PACRG: variants seen among roughly 807,000 people sequenced by gnomAD.
PACRG encodes the protein parkin coregulated, also known as parkin coregulated gene protein.
PACRG carries 29 observed loss-of-function variants against 29.7 expected under a neutral mutation model. The ratio of observed to expected loss-of-function variants is 0.98; its 90% CI spans 0.73 to 1.33. The LOEUF (loss-of-function observed/expected upper bound fraction) is 1.33. Among genes scored for constraint, PACRG ranks in the 40% most tolerant of loss-of-function variants. The pLI is 0.00. For synonymous variants in PACRG, 116 were observed against 118.7 expected, an observed-to-expected ratio of 0.98 and a Z score of 0.15; for missense variants, 279 against 316.2, an observed-to-expected ratio of 0.88 and a Z score of 0.89.
chr6:162,806,113 CT>C (rs553734264), intron 1 of PACRG, among the ~76,000 whole-genome samples: 382 of 143,608 alleles, frequency 2.7e-3, no homozygotes, highest in Non-Finnish European at 2.9e-3. Context: ...TCTTTCTTTC[CT>C]TTTTTTTTTT....
chr6:162,800,235 G>A (rs912761918), intron 1 of PACRG, among the ~76,000 whole-genome samples: 1 of 152,186 alleles, frequency 6.6e-6, no homozygotes, highest in African/African-American at 2.4e-5. Context: ...GCCTTTAACT[G>A]TCAAGAATTT....
At chr6:162,747,352 A>T (rs867083010) in intron 1 of PACRG, among the ~76,000 whole-genome samples, 840 of 74,616 alleles carry the variant, frequency 0.011, 80 homozygotes, top group African/African-American at 0.058. Flanking sequence ...ATATATATAT[A>T]TATATATATA....
intron 1 of PACRG, among the ~76,000 whole-genome samples, chr6:162,749,789 G>A (rs1781381339): frequency 6.6e-6 from 1 of 152,100 alleles, no homozygotes; most frequent in Admixed American, 6.6e-5. Flanking sequence ...CAAAGTGCTG[G>A]CATTATAGAC....
chr6:163,239,557 C>T (rs1231921607), intron 4 of PACRG, among the ~76,000 whole-genome samples: 1 of 152,040 alleles, frequency 6.6e-6, no homozygotes, highest in Non-Finnish European at 1.5e-5. Context: ...AACTCAATCT[C>T]TCCAAGTGCA....
intron 2 of PACRG, among the ~76,000 whole-genome samples, chr6:162,893,407 G>A (rs1185449510): frequency 6.6e-6 from 1 of 152,166 alleles, no homozygotes; most frequent in Non-Finnish European, 1.5e-5. Context: ...TGCTCAAACT[G>A]AACTGGAAAC....
At chr6:162,748,233 G>A (rs760097030) in intron 1 of PACRG, among the ~76,000 whole-genome samples, 9 of 152,138 alleles carry the variant, frequency 5.9e-5, no homozygotes, top group Non-Finnish European at 1.3e-4. Context: ...GCTCACGCCT[G>A]TAATTCCAGC....
intron 2 of PACRG, among the ~76,000 whole-genome samples, chr6:162,914,258 T>C (rs1171063838): frequency 6.6e-6 from 1 of 152,096 alleles, no homozygotes; most frequent in Non-Finnish European, 1.5e-5. Flanking sequence ...AAATTGTCTA[T>C]TTTTTTCCAT....
At position 163,315,217 on chromosome 6, in the gene PACRG, G is replaced by C; in HGVS notation, c.*230G>C. ...AGTGTACTGTGCTTATTTGTTCTAA[G>C]AGAAGAATTGCTTCTTTATACAGCT... On this transcript the variant is annotated 3_prime_UTR_variant, in exon 5 of 5. Coordinates refer to ENST00000366888, the MANE Select transcript of PACRG (RefSeq NM_001080379.2). 1 of 416,614 alleles carries C rather than the reference G, an allele frequency of 2.4e-6. No homozygotes were observed. The allele number at this position is 416,614 out of a possible 1,614,324, so 25.8% of individuals were successfully genotyped here.
rs938877323 is a variant in PACRG, at chr6:162,880,539, G to A, written c.291+66258G>A. On this transcript the variant is annotated intron_variant, in intron 2 of 4. Transcript: ENST00000366888. Reference sequence around the variant, plus strand: ...TATCTGAGGTAGATGGTGGCATGCAGTCAAGGTTCTGTGTATTTGTGAACA... The same window carrying A: ...TATCTGAGGTAGATGGTGGCATGCAATCAAGGTTCTGTGTATTTGTGAACA... Among the ~76,000 whole-genome samples the A allele has an allele frequency of 2.0e-5, 3 of 152,330 alleles. No individual in the cohort carries two copies. The South Asian group carries it at 6.2e-4, about 32-fold the overall frequency.
At chr6:163,217,825 C>G (rs764715856) in intron 4 of PACRG, among the ~76,000 whole-genome samples, 1 of 151,902 alleles carries the variant, frequency 6.6e-6, no homozygotes, top group Non-Finnish European at 1.5e-5. Context: ...TCCCATCACC[C>G]CATCACAGAT....
intron 4 of PACRG, among the ~76,000 whole-genome samples, chr6:163,283,972 G>C (rs1287043193): frequency 4.6e-5 from 7 of 152,070 alleles, no homozygotes. Context: ...ACTTAGCTGG[G>C]CATGGCGGTG....
intron 4 of PACRG, among the ~76,000 whole-genome samples, chr6:163,302,784 G>A (rs1391317790): frequency 2.0e-5 from 3 of 152,114 alleles, no homozygotes; most frequent in Non-Finnish European, 2.9e-5. Context: ...TTTTTTCATC[G>A]TAAGCACGAT....
At chr6:162,803,985 T>C (rs563013692) in intron 1 of PACRG, among the ~76,000 whole-genome samples, 1 of 151,928 alleles carries the variant, frequency 6.6e-6, no homozygotes, top group African/African-American at 2.4e-5. Context: ...TAATGGCAAA[T>C]AGTAGGTGGA....
intron 2 of PACRG, among the ~76,000 whole-genome samples, chr6:162,975,766 T>TC (rs1326531317): frequency 1.9e-5 from 2 of 104,990 alleles, no homozygotes; most frequent in East Asian, 5.2e-4. Context: ...CAGGTCCTTC[T>TC]TCTCTCCCTC....
At chr6:162,843,390 T>C (rs564477757) in intron 2 of PACRG, among the ~76,000 whole-genome samples, 30 of 150,972 alleles carry the variant, frequency 2.0e-4, no homozygotes, top group Admixed American at 5.3e-4. Context: ...TTGATCGCAT[T>C]GGCTCCTGAG....
At chr6:163,269,955 GAAA>G (rs1562350203) in intron 4 of PACRG, among the ~76,000 whole-genome samples, 3 of 49,286 alleles carry the variant, frequency 6.1e-5, no homozygotes, top group African/African-American at 1.2e-4. Context: ...AAGAAAGAAA[GAAA>G]GAAAGAAAGA....
At chr6:162,818,373 T>A (rs922566438) in intron 2 of PACRG, among the ~76,000 whole-genome samples, 260 of 152,298 alleles carry the variant, frequency 1.7e-3, no homozygotes, top group Non-Finnish European at 2.5e-3. Context: ...CGCACACTTC[T>A]AATGATGGTG....
intron 2 of PACRG, among the ~76,000 whole-genome samples, chr6:162,988,282 C>G (rs1475398473): frequency 6.6e-6 from 1 of 152,088 alleles, no homozygotes; most frequent in African/African-American, 2.4e-5. Context: ...ACTAGGGACA[C>G]AGAGTGGGAT....
chr6:163,083,050 C>G (rs1177294210), intron 3 of PACRG, among the ~76,000 whole-genome samples: 1 of 152,150 alleles, frequency 6.6e-6, no homozygotes, highest in African/African-American at 2.4e-5. Flanking sequence ...CAGGGCGTCT[C>G]CTCTTTTCTC....
Sources: gnomAD v4.1 joint callset for allele counts (sites outside exome capture counted in the v4.1 genomes callset) on GRCh38, gnomAD v4.1.1 for gene constraint, MANE v1.5 for transcripts, NCBI Gene and HGNC (gene_info 2026-07-23, HGNC 2026-07-21) for gene names.